ADAM23: variants seen among roughly 807,000 people sequenced by gnomAD.
The protein encoded by ADAM23 is ADAM metallopeptidase domain 23.
Under a neutral mutation model 120.1 loss-of-function variants are expected in ADAM23, and 33 were observed. That is an observed-to-expected ratio of 0.27 (90% CI 0.21 to 0.37). ADAM23 has a LOEUF of 0.37. Among genes scored for constraint, ADAM23 ranks in the 10% least tolerant of loss-of-function variants. ADAM23 has a pLI of 1.00. For missense variants in ADAM23, 862 were observed against 1,058.2 expected, an observed-to-expected ratio of 0.81 and a Z score of 2.57; for synonymous variants, 367 against 375.2, an observed-to-expected ratio of 0.98 and a Z score of 0.25.
chr2:206,499,657 T>A (rs1370115251), intron 3 of ADAM23, among the ~76,000 whole-genome samples: 1 of 151,676 alleles, frequency 6.6e-6, no homozygotes, highest in African/African-American at 2.4e-5. Flanking sequence ...AGAAAATAAA[T>A]AAAATAAAAA....
chr2:206,494,589 T>G (rs1056296110), intron 3 of ADAM23, among the ~76,000 whole-genome samples: 34 of 152,164 alleles, frequency 2.2e-4, no homozygotes, highest in African/African-American at 7.0e-4. Context: ...TTGGGTGTGG[T>G]GAGGGACAAT....
chr2:206,496,471 A>G (rs1000886356), intron 3 of ADAM23, among the ~76,000 whole-genome samples: 3 of 152,200 alleles, frequency 2.0e-5, no homozygotes, highest in Non-Finnish European at 2.9e-5. Flanking sequence ...AAGACACAAA[A>G]AACCAGAATC....
intron 15 of ADAM23, among the ~76,000 whole-genome samples, chr2:206,569,242 G>T (rs1420701685): frequency 6.6e-6 from 1 of 152,088 alleles, no homozygotes; most frequent in African/African-American, 2.4e-5. Context: ...TCCATCAATG[G>T]ATTTCTGAAA....
At chr2:206,497,238 A>G (rs1006478701) in intron 3 of ADAM23, among the ~76,000 whole-genome samples, 3 of 152,214 alleles carry the variant, frequency 2.0e-5, no homozygotes, top group African/African-American at 7.2e-5. Flanking sequence ...ATGAACATTG[A>G]TGCAAAAATC....
intron 4 of ADAM23, among the ~76,000 whole-genome samples, chr2:206,536,678 CA>C (rs1429645252): frequency 1.3e-5 from 2 of 151,984 alleles, no homozygotes; most frequent in African/African-American, 4.8e-5. Context: ...CTATGTATAT[CA>C]AAATATCATG....
At chr2:206,457,365 G>A (rs151063491) in intron 2 of ADAM23, among the ~76,000 whole-genome samples, 17 of 152,328 alleles carry the variant, frequency 1.1e-4, no homozygotes, top group Middle Eastern at 3.4e-3. Flanking sequence ...AATTATTAGC[G>A]TGACCAAAAC....
chr2:206,498,246 A>C (rs1696301910), intron 3 of ADAM23, among the ~76,000 whole-genome samples: 2 of 152,222 alleles, frequency 1.3e-5, no homozygotes, highest in South Asian at 4.1e-4. Context: ...CTTGACTTCA[A>C]ACTATACTAC....
At position 206,560,033 on chromosome 2, in the gene ADAM23, A is replaced by G. The variant is rs2105821355; in HGVS notation, c.1084A>G (p.Thr362Ala). 1.2e-6 allele frequency: 2 copies of G among 1,614,102 alleles called. No individual in the cohort carries two copies. The highest frequency in any genetic ancestry group is 3.3e-4 in the Middle Eastern group (2 of 6,060). ...GACTGAGAAGGATCAGATTGACATC[A>G]CCACCAACCCTGTGCAGATGCTCCA... ...TWTEKDQIDITTNPVQMLHEF... is the reference protein window; with the variant it reads ...TWTEKDQIDIATNPVQMLHEF... The change falls in exon 11 of 26, where the codon ACC becomes GCC. Residue 362 changes from threonine to alanine, a missense_variant. Coordinates refer to ENST00000264377, the MANE Select transcript of ADAM23 (RefSeq NM_003812.4).
chr2:206,496,778 G>C (rs1372109129), intron 3 of ADAM23, among the ~76,000 whole-genome samples: 2 of 152,102 alleles, frequency 1.3e-5, no homozygotes, highest in Non-Finnish European at 2.9e-5. Context: ...GAAGAAAAGA[G>C]AGAAGAATCA....
chr2:206,499,787 AAT>A (rs1049890067), intron 3 of ADAM23, among the ~76,000 whole-genome samples: 15 of 152,296 alleles, frequency 9.8e-5, no homozygotes, highest in African/African-American at 3.6e-4. Flanking sequence ...AGAAGTAAAT[AAT>A]ATGTCTATTT....
chr2:206,576,408 CTAAG>C (rs1294326831), intron 18 of ADAM23, among the ~76,000 whole-genome samples: 7 of 151,944 alleles, frequency 4.6e-5, no homozygotes, highest in African/African-American at 1.7e-4. Flanking sequence ...ATTCTATTGT[CTAAG>C]TAAAACATTT....
At chr2:206,572,578 C>T (rs1350428509) in intron 17 of ADAM23, among the ~76,000 whole-genome samples, 1 of 152,138 alleles carries the variant, frequency 6.6e-6, no homozygotes, top group Non-Finnish European at 1.5e-5. Flanking sequence ...GGGCTCTTTC[C>T]TTCACCTTTT....
intron 18 of ADAM23, among the ~76,000 whole-genome samples, chr2:206,585,285 A>G (rs1698300866): frequency 1.3e-5 from 2 of 152,170 alleles, no homozygotes; most frequent in Admixed American, 6.5e-5. Flanking sequence ...ATGATTAATG[A>G]TAGTTGATTA....
chr2:206,599,537 T>TA (rs1425044822), intron 24 of ADAM23, among the ~76,000 whole-genome samples: 2 of 152,190 alleles, frequency 1.3e-5, no homozygotes, highest in African/African-American at 4.8e-5. Flanking sequence ...AAACAGAAAC[T>TA]AAAAAATTTT....
intron 9 of ADAM23, among the ~76,000 whole-genome samples, chr2:206,551,159 G>T (rs1292549726): frequency 1.3e-5 from 2 of 152,124 alleles, no homozygotes; most frequent in African/African-American, 4.8e-5. Flanking sequence ...TACTAGTGGT[G>T]TGCTGGTAAA....
At chr2:206,603,938 G>T (rs1227640703) in intron 24 of ADAM23, among the ~76,000 whole-genome samples, 1 of 147,720 alleles carries the variant, frequency 6.8e-6, no homozygotes, top group Non-Finnish European at 1.5e-5. Flanking sequence ...GCAGCTCTGA[G>T]AACCAATGCC....
intron 3 of ADAM23, among the ~76,000 whole-genome samples, chr2:206,511,236 A>G (rs1024809832): frequency 9.2e-5 from 14 of 152,010 alleles, no homozygotes; most frequent in African/African-American, 3.4e-4. Flanking sequence ...AAGTCCTTTT[A>G]CAAAAGAGGT....
chr2:206,605,759 GT>G (rs1422040876), intron 24 of ADAM23: 3 of 702,046 alleles, frequency 4.3e-6, no homozygotes, highest in Non-Finnish European at 7.8e-6. Context: ...AATTTCCTTT[GT>G]TAAAAAATCT....
At chr2:206,566,987 C>T (rs1574538429) in intron 14 of ADAM23, among the ~76,000 whole-genome samples, 1 of 152,252 alleles carries the variant, frequency 6.6e-6, no homozygotes, top group East Asian at 1.9e-4. Context: ...AAGGGCTTGA[C>T]TGCTGAGGAG....
Sources: allele counts gnomAD v4.1 joint callset (sites outside exome capture counted in the v4.1 genomes callset), GRCh38; gene constraint gnomAD v4.1.1; transcripts MANE v1.5; gene names NCBI Gene and HGNC (gene_info 2026-07-23, HGNC 2026-07-21).